CDKN2B-AS1: variants seen among roughly 807,000 people sequenced by gnomAD.
The protein encoded by CDKN2B-AS1 is CDKN2B antisense RNA 1 (non-protein coding).
chr9:22,031,605 G>C (rs1347328661), intron 1 of CDKN2B-AS1, among the ~76,000 whole-genome samples: 1 of 151,978 alleles, frequency 6.6e-6, no homozygotes, highest in Non-Finnish European at 1.5e-5. Context: ...TTATTTTGTG[G>C]TAATTTGAAT....
intron 4 of CDKN2B-AS1, among the ~76,000 whole-genome samples, chr9:22,089,657 T>C (rs1323401801): frequency 1.3e-5 from 2 of 152,000 alleles, no homozygotes; most frequent in Non-Finnish European, 2.9e-5. Context: ...TCCATGTTGC[T>C]GAGGCTGGTC....
chr9:22,082,985 C>A (rs1247165539), intron 4 of CDKN2B-AS1, among the ~76,000 whole-genome samples: 24 of 152,064 alleles, frequency 1.6e-4, no homozygotes, highest in Admixed American at 1.6e-3. Context: ...GGGGTTCTGT[C>A]ACAGAAAAGA....
At chr9:22,048,159 T>A (rs906983665) in intron 2 of CDKN2B-AS1, among the ~76,000 whole-genome samples, 6 of 152,152 alleles carry the variant, frequency 3.9e-5, no homozygotes, top group African/African-American at 1.4e-4. Context: ...ATTTTAGAGC[T>A]GGATTTCAAC....
chr9:22,032,157 G>A (rs1284244183), intron 1 of CDKN2B-AS1, among the ~76,000 whole-genome samples: 1 of 152,046 alleles, frequency 6.6e-6, no homozygotes, highest in African/African-American at 2.4e-5. Flanking sequence ...TTTTTTTGGG[G>A]GGAGAATGGT....
At chr9:22,061,443 G>T (rs924843111) in intron 4 of CDKN2B-AS1, among the ~76,000 whole-genome samples, 1 of 152,090 alleles carries the variant, frequency 6.6e-6, no homozygotes, top group Non-Finnish European at 1.5e-5. Context: ...GCATCATGAA[G>T]AAAAATATAA....
At position 22,006,035 on chromosome 9, in the gene CDKN2B-AS1, C is replaced by G. The variant is rs1373248776; in HGVS notation, n.29+10874C>G. ...GGTACCCTGCAACGTCGCGGTGGCC[C>G]CGCTCCTCGGCCAAGTCCACGGGCA... On this transcript the variant is annotated intron_variant and non_coding_transcript_variant, in intron 1 of 4. Transcript: ENST00000650946. This position sits in a 1 kb window ranked among gnomAD's most constrained non-coding sequence, Gnocchi z 6.4. 1.9e-6 allele frequency: 3 copies of G among 1,604,258 alleles called. No homozygotes were observed. Among genetic ancestry groups the G allele is most frequent in the East Asian group, 4.5e-5 (2 of 44,850 alleles).
intron 4 of CDKN2B-AS1, among the ~76,000 whole-genome samples, chr9:22,115,590 A>T (rs1004638): frequency 0.64 from 97,616 of 151,984 alleles, 33,481 homozygotes; most frequent in African/African-American, 0.9. Flanking sequence ...GCTTCACTTA[A>T]GCTGCCCTAG....
rs1412259998 is a variant in CDKN2B-AS1 at position 22,000,701 on chromosome 9, T to G, written n.29+5540T>G. ...CTGTGGGTTTTTGAACAGAATAAACTGTTTCTTCTTTTATGTTTGTGTATT... is the reference window on the plus strand; with the variant it reads ...CTGTGGGTTTTTGAACAGAATAAACGGTTTCTTCTTTTATGTTTGTGTATT... On this transcript the variant is annotated intron_variant and non_coding_transcript_variant, in intron 1 of 4. Coordinates refer to ENST00000650946, the Ensembl canonical transcript of CDKN2B-AS1. This position sits in a 1 kb window ranked among gnomAD's most constrained non-coding sequence, Gnocchi z 4.1. 1.3e-5 allele frequency among the ~76,000 whole-genome samples: 2 copies of G among 152,194 alleles called. No individual in the cohort carries two copies. Among genetic ancestry groups the G allele is most frequent in the African/African-American group, 4.8e-5 (2 of 41,454 alleles).
rs149454526 is a variant in CDKN2B-AS1 at position 22,023,695 on chromosome 9, A to T, written n.30-23056A>T. On this transcript the variant is annotated intron_variant and non_coding_transcript_variant, in intron 1 of 4. Coordinates refer to ENST00000650946, the Ensembl canonical transcript of CDKN2B-AS1. ...GAGATGAAGGTTGCAGTGAGCTGAGATCGTGCCACTGCACTCCAGCCTGGG... is the reference window on the plus strand; with the variant it reads ...GAGATGAAGGTTGCAGTGAGCTGAGTTCGTGCCACTGCACTCCAGCCTGGG... Among the ~76,000 whole-genome samples, 390 of 152,284 alleles carry T rather than the reference A, an allele frequency of 2.6e-3. 3 individuals are homozygous for T. The highest frequency in any genetic ancestry group is 9.0e-3 in the African/African-American group (373 of 41,564).
At chr9:22,113,512 G>C (rs1479440820) in intron 4 of CDKN2B-AS1, among the ~76,000 whole-genome samples, 1 of 152,090 alleles carries the variant, frequency 6.6e-6, no homozygotes, top group Non-Finnish European at 1.5e-5. Flanking sequence ...CAGAGACTAG[G>C]GTATAAAATC....
chr9:22,003,020 TATTTAATTTTCTGTATTCCACAATGGAG>T (rs1448019058), intron 1 of CDKN2B-AS1: 2 of 206,388 alleles, frequency 9.7e-6, no homozygotes, highest in Admixed American at 1.2e-4. Context: ...TTAACAGGTA[TATTTAATTTTCTGTATTCCACAATGGAG>T]CTAGAAGCAG....
Position 22,050,166 on chromosome 9 carries a change from A to C in CDKN2B-AS1, n.302+938A>C, listed in dbSNP as rs980627769. Among the ~76,000 whole-genome samples, 5 of 152,354 alleles carry C rather than the reference A, an allele frequency of 3.3e-5. No individual in the cohort carries two copies. In the East Asian group the frequency reaches 9.6e-4, roughly 29 times the overall value. ...CATGCACACACATAGACTTAAGTAC[A>C]TAAATGTGTATGTACCTTCCATAGC... On this transcript the variant is annotated intron_variant and non_coding_transcript_variant, in intron 3 of 4. Transcript: ENST00000650946.
chr9:22,103,423 G>T (rs1347677566), intron 4 of CDKN2B-AS1, among the ~76,000 whole-genome samples: 1 of 152,098 alleles, frequency 6.6e-6, no homozygotes, highest in Non-Finnish European at 1.5e-5. Flanking sequence ...ACAGCTGGGG[G>T]TTGCCAGAGA....
chr9:22,029,855 A>G (rs1450702427), intron 1 of CDKN2B-AS1: 1 of 191,998 alleles, frequency 5.2e-6, no homozygotes, highest in Non-Finnish European at 1.1e-5. Context: ...GTTTTCTATT[A>G]CAAAATGGAT....
chr9:22,046,127 C>T (rs1823099066), intron 1 of CDKN2B-AS1, among the ~76,000 whole-genome samples: 1 of 152,028 alleles, frequency 6.6e-6, no homozygotes, highest in African/African-American at 2.4e-5. Flanking sequence ...AAATGATTCC[C>T]TAGCTACCTC....
At chr9:22,069,949 G>A (rs1338183829) in intron 4 of CDKN2B-AS1, among the ~76,000 whole-genome samples, 2 of 152,032 alleles carry the variant, frequency 1.3e-5, no homozygotes, top group African/African-American at 4.8e-5. Flanking sequence ...TGCTACCTCC[G>A]CCTCCCAGGT....
At chr9:22,014,087 G>C (rs2131205838) in intron 1 of CDKN2B-AS1, among the ~76,000 whole-genome samples, 1 of 152,052 alleles carries the variant, frequency 6.6e-6, no homozygotes, top group Non-Finnish European at 1.5e-5. Flanking sequence ...TTATTTTCTT[G>C]GGGATGGCAA....
rs544253806 is a variant in CDKN2B-AS1 at position 22,010,785 on chromosome 9, T to C, written n.29+15624T>C. ...ATTTCTCTACCTTTTACTCTTATGC[T>C]CTTGTTTTGACCTTTGAGTTTCTCT... is the stretch of plus-strand genomic sequence containing the variant. On this transcript the variant is annotated intron_variant and non_coding_transcript_variant, in intron 1 of 4. Transcript: ENST00000650946. Among the ~76,000 whole-genome samples the C allele has an allele frequency of 1.2e-4, 19 of 152,338 alleles. No individual in the cohort carries two copies. The South Asian group carries it at 3.1e-3, about 25-fold the overall frequency.
chr9:22,052,550 C>T (rs558691767), intron 3 of CDKN2B-AS1, among the ~76,000 whole-genome samples: 3 of 152,244 alleles, frequency 2.0e-5, no homozygotes, highest in South Asian at 4.1e-4. Flanking sequence ...AAGTTGAAGA[C>T]CCAGGCTGCC....
Sources: allele counts gnomAD v4.1 joint callset (sites outside exome capture counted in the v4.1 genomes callset), GRCh38; gene constraint gnomAD v4.1.1; non-coding constraint Gnocchi (gnomAD v3.1); transcripts MANE v1.5; gene names NCBI Gene and HGNC (gene_info 2026-07-23, HGNC 2026-07-21).